MAML3: variants seen among roughly 807,000 people sequenced by gnomAD.
MAML3 encodes the protein mastermind like transcriptional coactivator 3, also known as mastermind-like protein 3.
MAML3 carries 27 observed loss-of-function variants against 101.9 expected under a neutral mutation model. That is an observed-to-expected ratio of 0.27 (90% CI 0.20 to 0.37). The LOEUF is 0.37. MAML3 is among the 10% of genes least tolerant of loss of function. MAML3 has a pLI of 1.00. For synonymous variants in MAML3, 501 were observed against 555.9 expected, an observed-to-expected ratio of 0.90 and a Z score of 1.39; for missense variants, 1,316 against 1,444.9, an observed-to-expected ratio of 0.91 and a Z score of 1.45.
intron 1 of MAML3, among the ~76,000 whole-genome samples, chr4:140,084,941 C>T (rs1252554019): frequency 6.6e-6 from 1 of 151,968 alleles, no homozygotes; most frequent in East Asian, 1.9e-4. Flanking sequence ...CATCGGGGGG[C>T]GGCAGGGGAG....
At chr4:140,109,085 C>A (rs763205230) in intron 1 of MAML3, among the ~76,000 whole-genome samples, 10 of 152,130 alleles carry the variant, frequency 6.6e-5, no homozygotes, top group Non-Finnish European at 1.5e-4. Flanking sequence ...ATACAAGTTA[C>A]ACTTATTGTC....
intron 1 of MAML3, among the ~76,000 whole-genome samples, chr4:140,025,864 A>G (rs1578648455): frequency 6.6e-6 from 1 of 152,138 alleles, no homozygotes; most frequent in Admixed American, 6.5e-5. Flanking sequence ...AACCTCTCCC[A>G]TGGATTGGCT....
chr4:140,126,848 TC>T (rs933949823), intron 1 of MAML3, among the ~76,000 whole-genome samples: 39 of 152,288 alleles, frequency 2.6e-4, no homozygotes, highest in African/African-American at 9.1e-4. Context: ...CTGGAAGTCA[TC>T]CCTGATTTCT....
intron 2 of MAML3, among the ~76,000 whole-genome samples, chr4:139,782,730 G>C (rs997120527): frequency 2.0e-5 from 3 of 152,128 alleles, no homozygotes; most frequent in Non-Finnish European, 2.9e-5. Context: ...AGAGCTAGTG[G>C]TGTGCGCACC....
intron 1 of MAML3, among the ~76,000 whole-genome samples, chr4:140,134,868 T>C (rs1238352119): frequency 1.3e-5 from 2 of 152,240 alleles, no homozygotes; most frequent in Non-Finnish European, 1.5e-5. Context: ...CGAATCACAA[T>C]GGCACGGGCT....
chr4:139,914,599 G>T (rs1474163612), intron 1 of MAML3, among the ~76,000 whole-genome samples: 1 of 152,074 alleles, frequency 6.6e-6, no homozygotes, highest in Non-Finnish European at 1.5e-5. Context: ...CTAATGGCAA[G>T]GAAAGAAAAG....
At chr4:140,147,520 G>A (rs930504850) in intron 1 of MAML3, among the ~76,000 whole-genome samples, 3 of 152,174 alleles carry the variant, frequency 2.0e-5, no homozygotes, top group Non-Finnish European at 4.4e-5. Flanking sequence ...CAGGTGGGGG[G>A]AAGGAAAAAC....
intron 1 of MAML3, among the ~76,000 whole-genome samples, chr4:139,988,237 G>A (rs1734587664): frequency 7.0e-6 from 1 of 141,876 alleles, no homozygotes; most frequent in Non-Finnish European, 1.5e-5. Context: ...TGAGGCAGAA[G>A]AAACACTGAA....
At chr4:139,738,959 G>C (rs1729060814) in intron 2 of MAML3, among the ~76,000 whole-genome samples, 2 of 152,280 alleles carry the variant, frequency 1.3e-5, no homozygotes, top group African/African-American at 4.8e-5. Flanking sequence ...AACTTTCCAA[G>C]TGCTTCCAAG....
rs1049126627 is a variant in MAML3, at chr4:139,718,714, T to C, written c.*609A>G. ...ATGGGGCAGGAGACAGACAGTCCTG[T>C]AGGATCTGTGGTTGTCTCCTTTTGA... is the stretch of plus-strand genomic sequence containing the variant. On this transcript the variant is annotated 3_prime_UTR_variant, in exon 5 of 5. Transcript: ENST00000509479. The C allele has an allele frequency of 6.5e-6, 1 of 152,998 alleles. No individual in the cohort carries two copies. The highest frequency in any genetic ancestry group is 2.4e-5 in the African/African-American group (1 of 41,462). The allele number at this position is 152,998 out of a possible 1,614,324, so 9.5% of individuals were successfully genotyped here. A position where few individuals can be genotyped will look rare whatever the true frequency, so the allele number is the denominator to read the frequency against.
intron 2 of MAML3, chr4:139,731,268 C>T (rs2602221): frequency 0.99 from 153,473 of 154,634 alleles, 76,165 homozygotes; most frequent in South Asian, 1. Context: ...TGTTTTACAC[C>T]GATCAAAGCT....
At chr4:140,151,058 A>T (rs1433227111) in intron 1 of MAML3, among the ~76,000 whole-genome samples, 1 of 152,022 alleles carries the variant, frequency 6.6e-6, no homozygotes, top group Non-Finnish European at 1.5e-5. Flanking sequence ...GGGCAGGGCC[A>T]CGGGGCGCAG....
At chr4:139,936,250 C>A (rs559932267) in intron 1 of MAML3, among the ~76,000 whole-genome samples, 11 of 152,304 alleles carry the variant, frequency 7.2e-5, no homozygotes, top group African/African-American at 2.6e-4. Context: ...TGTATAAACA[C>A]ACAGCCACAT....
At chr4:140,116,692 C>T (rs1728523961) in intron 1 of MAML3, among the ~76,000 whole-genome samples, 1 of 152,152 alleles carries the variant, frequency 6.6e-6, no homozygotes, top group Non-Finnish European at 1.5e-5. Flanking sequence ...CCCTACAGGG[C>T]AGGAAGTGAA....
intron 2 of MAML3, among the ~76,000 whole-genome samples, chr4:139,814,055 C>CAA (rs1553958316): frequency 2.0e-5 from 3 of 151,434 alleles, no homozygotes; most frequent in Non-Finnish European, 4.4e-5. Context: ...CACACACACA[C>CAA]AGAATGATGA....
At chr4:139,903,917 G>A (rs1158276212) in intron 1 of MAML3, among the ~76,000 whole-genome samples, 1 of 152,152 alleles carries the variant, frequency 6.6e-6, no homozygotes, top group Non-Finnish European at 1.5e-5. Context: ...GGGACAGAAA[G>A]GCAAAAGGGA....
chr4:139,795,882 A>G (rs751581459), intron 2 of MAML3, among the ~76,000 whole-genome samples: 1 of 152,238 alleles, frequency 6.6e-6, no homozygotes, highest in Non-Finnish European at 1.5e-5. Flanking sequence ...ACAAATGCAC[A>G]TGTAAATACA....
At chr4:140,065,855 G>A (rs1451936502) in intron 1 of MAML3, among the ~76,000 whole-genome samples, 7 of 152,138 alleles carry the variant, frequency 4.6e-5, no homozygotes, top group Admixed American at 3.9e-4. Context: ...CATCAAACAG[G>A]AAGGTCCATA....
At chr4:139,752,647 A>G (rs1443075214) in intron 2 of MAML3, among the ~76,000 whole-genome samples, 5 of 152,210 alleles carry the variant, frequency 3.3e-5, no homozygotes, top group Non-Finnish European at 5.9e-5. Flanking sequence ...TGATAATAAT[A>G]AAAAACCTTT....
Sources: gnomAD v4.1 joint callset for allele counts (sites outside exome capture counted in the v4.1 genomes callset) on GRCh38, gnomAD v4.1.1 for gene constraint, MANE v1.5 for transcripts, NCBI Gene and HGNC (gene_info 2026-07-23, HGNC 2026-07-21) for gene names.